Variants in CST9L observed in about 807,000 individuals in gnomAD.
CST9L encodes the protein cystatin-9-like.
A neutral mutation model predicts 13.2 loss-of-function variants in CST9L; 17 were observed. The ratio of observed to expected loss-of-function variants is 1.29; its 90% CI spans 0.88 to 1.93. CST9L has a LOEUF of 1.93. Ranked by LOEUF, CST9L falls within the 30% of genes most tolerant of loss-of-function variation. The pLI is 0.00. For missense variants in CST9L, 170 were observed against 170.5 expected (o/e 1.00, Z 0.02); for synonymous variants, 78 against 69.1 (o/e 1.13, Z -0.64).
At chr20:23,565,585 C>A (rs1470049025) in intron 2 of CST9L, among the ~76,000 whole-genome samples, 1 of 152,102 alleles carries the variant, frequency 6.6e-6, no homozygotes, top group Non-Finnish European at 1.5e-5. Context: ...ACCCTGAGAA[C>A]TGCATCCACA....
chr20:23,566,002 T>A lies in CST9L; in HGVS notation c.326A>T (p.His109Leu), dbSNP rs2295564. The change falls in exon 2 of 3, where the codon CAT becomes CTT. Residue 109 changes from histidine (H) to leucine (L), a missense_variant. Physicochemically the swap from His to Leu is moderately conservative, Grantham distance 99. Transcript: ENST00000376979. ...GKFEDDIDNC[H>L]FQESTELNNT... Reference sequence around the variant, plus strand: ...GTTCAGCTCTGTGCTTTCTTGGAAATGGCAGTTGTCAATGTCGTCTTCAAA... The same window carrying A: ...GTTCAGCTCTGTGCTTTCTTGGAAAAGGCAGTTGTCAATGTCGTCTTCAAA... The A allele has an allele frequency of 1.0e-5, 16 of 1,599,924 alleles. No homozygotes were observed. Among genetic ancestry groups the A allele is most frequent in the Non-Finnish European group, 1.4e-5 (16 of 1,167,152 alleles).
Position 23,567,395 on chromosome 20 carries a change from T to G in CST9L, c.240+816A>C, listed in dbSNP as rs180780458. ...ATCTGGCGGGTGCCTGTAATCCCAG[T>G]TATTTGGGAGGCTGAGGCAGGAGAA... is the stretch of plus-strand genomic sequence containing the variant. On this transcript the variant is annotated intron_variant, in intron 1 of 2. Coordinates refer to ENST00000376979, the MANE Select transcript of CST9L (RefSeq NM_080610.3). Among the ~76,000 whole-genome samples the G allele has an allele frequency of 5.6e-3, 843 of 151,478 alleles. 8 individuals are homozygous for G. The highest frequency in any genetic ancestry group is 0.019 in the African/African-American group (793 of 41,296).
At chr20:23,565,541 T>C (rs1373733886) in intron 2 of CST9L, among the ~76,000 whole-genome samples, 1 of 152,112 alleles carries the variant, frequency 6.6e-6, no homozygotes, top group East Asian at 1.9e-4. Flanking sequence ...CTTCTCAGCC[T>C]CTACCACTTT....
rs1382525670 is a variant in CST9L, at chr20:23,564,940, G to T, written c.*8C>A. Reference sequence around the variant, plus strand: ...CAGCACATGGACAAGCCTGTGAGTGGGTTTCACTCAGTGGAATCCCTCCAA... The same window carrying T: ...CAGCACATGGACAAGCCTGTGAGTGTGTTTCACTCAGTGGAATCCCTCCAA... On this transcript the variant is annotated 3_prime_UTR_variant, in exon 3 of 3. Transcript: ENST00000376979. The T allele has an allele frequency of 1.3e-5, 21 of 1,591,188 alleles. No homozygotes were observed. In the Admixed American group the frequency reaches 3.5e-4, roughly 27 times the overall value.
chr20:23,568,418 G>T lies in CST9L; in HGVS notation c.33C>A (p.Ser11=). Reference sequence around the variant, plus strand: ...CTAAGAGAAGCAGCAGCAGCGCCCAGGACAGACCTCCCTTCCACGGCAGGC... The same window carrying T: ...CTAAGAGAAGCAGCAGCAGCGCCCATGACAGACCTCCCTTCCACGGCAGGC... MLGLPWKGGL[S]WALLLLLLGS... The change falls in exon 1 of 3, where the codon TCC becomes TCA. Residue 11 remains serine (S), a synonymous_variant. Coordinates refer to ENST00000376979, the MANE Select transcript of CST9L (RefSeq NM_080610.3). The T allele has an allele frequency of 6.2e-7, 1 of 1,614,120 alleles. No individual in the cohort carries two copies. Among genetic ancestry groups the T allele is most frequent in the Middle Eastern group, 1.6e-4 (1 of 6,062 alleles).
Position 23,568,309 on chromosome 20 carries a change from G to A in CST9L, c.142C>T (p.Pro48Ser), listed in dbSNP as rs758015425. ...TGGACAGCAAACTCCACTGTGGCAG[G>A]GAGGTAACGAGCCATGACATTGTGT... The part of the protein sequence containing the change: ...DEHNVMARYL[P>S]ATVEFAVHTF... Residue 48 changes from proline (P) to serine (S), a missense_variant, in exon 1 of 3, where the codon CCT (proline) becomes TCT (serine). Coordinates refer to ENST00000376979, the MANE Select transcript of CST9L (RefSeq NM_080610.3). 3 of 1,614,134 alleles carry A rather than the reference G, an allele frequency of 1.9e-6. No homozygotes were observed. The highest frequency in any genetic ancestry group is 2.5e-6 in the Non-Finnish European group (3 of 1,180,026).
intron 1 of CST9L, among the ~76,000 whole-genome samples, chr20:23,567,357 A>G (rs1989112448): frequency 6.6e-6 from 1 of 151,944 alleles, no homozygotes; most frequent in Admixed American, 6.6e-5. Flanking sequence ...AAAATACAAA[A>G]AATTAACCAG....
At chr20:23,565,836 G>T in intron 2 of CST9L, 138 bp downstream of exon 2, 3 of 698,904 alleles carry the variant, frequency 4.3e-6, no homozygotes, top group South Asian at 3.2e-5. Flanking sequence ...CCCCACTAAG[G>T]CACAAGCAGG....
intron 1 of CST9L, among the ~76,000 whole-genome samples, chr20:23,567,685 G>C (rs80300522): frequency 9.5e-4 from 144 of 152,216 alleles, no homozygotes; most frequent in Middle Eastern, 3.4e-3. Context: ...AGTTTATTAA[G>C]TGCAGACACA....
intron 1 of CST9L, among the ~76,000 whole-genome samples, chr20:23,566,687 C>T (rs916352854): frequency 2.1e-4 from 32 of 152,070 alleles, no homozygotes; most frequent in Admixed American, 6.5e-5. Flanking sequence ...AGTTCGAGAC[C>T]AGCCTGGCCA....
chr20:23,567,564 T>G (rs1989115478), intron 1 of CST9L, among the ~76,000 whole-genome samples: 1 of 150,536 alleles, frequency 6.6e-6, no homozygotes, highest in Admixed American at 6.6e-5. Flanking sequence ...TGTTCATGCC[T>G]ACAGCACAGA....
intron 1 of CST9L, among the ~76,000 whole-genome samples, chr20:23,566,864 G>A (rs983460084): frequency 5.9e-5 from 9 of 152,158 alleles, no homozygotes; most frequent in African/African-American, 2.2e-4. Flanking sequence ...CTCCAGCCTG[G>A]TTGACAGGGT....
intron 1 of CST9L, 52 bp downstream of exon 1, chr20:23,568,159 C>A: frequency 5.6e-6 from 9 of 1,603,132 alleles, no homozygotes; most frequent in Non-Finnish European, 7.7e-6. Flanking sequence ...TCCCATTTTT[C>A]ACTGAGCAGC....
At chr20:23,566,120 C>T in intron 1 of CST9L, 33 bp from the exon 2 acceptor site, 1 of 1,217,230 alleles carries the variant, frequency 8.2e-7, no homozygotes, top group Non-Finnish European at 1.2e-6. Context: ...TGTGAACACA[C>T]CCTCCTTGTT....
rs939156099 is a variant in CST9L at position 23,564,770 on chromosome 20, G to A, written c.*178C>T. ...TGATGTTTAATGATCTACACTACAT[G>A]ATTAGGCTCAAGATGTGTGGATTTT... On this transcript the variant is annotated 3_prime_UTR_variant, in exon 3 of 3. Transcript: ENST00000376979. The A allele has an allele frequency of 8.2e-6, 5 of 606,730 alleles. No homozygotes were observed. The African/African-American group carries it at 9.2e-5, about 11-fold the overall frequency. The allele number at this position is 606,730 out of a possible 1,614,324, so 37.6% of individuals were successfully genotyped here.
intron 1 of CST9L, among the ~76,000 whole-genome samples, chr20:23,567,042 G>A (rs1359820095): frequency 4.6e-5 from 7 of 152,124 alleles, no homozygotes; most frequent in African/African-American, 1.7e-4. Flanking sequence ...TCACATCCAG[G>A]AACCCACGTG....
chr20:23,568,402 G>A lies in CST9L; in HGVS notation c.49C>T (p.Leu17Phe), dbSNP rs1171091115. ...KGGLSWALLL[L>F]LLGSQILLIY... ...AGCAGGATCTGGGAGCCTAAGAGAA[G>A]CAGCAGCAGCGCCCAGGACAGACCT... Residue 17 changes from leucine (L) to phenylalanine (F), a missense_variant, in exon 1 of 3, where the codon CTT becomes TTT. Leu to Phe is a conservative substitution (Grantham distance 22). Transcript: ENST00000376979. The A allele has an allele frequency of 6.2e-7, 1 of 1,614,000 alleles. No homozygotes were observed. The highest frequency in any genetic ancestry group is 1.3e-5 in the African/African-American group (1 of 74,926).
At chr20:23,567,107 G>T (rs6138001) in intron 1 of CST9L, among the ~76,000 whole-genome samples, 51,352 of 151,940 alleles carry the variant, frequency 0.34, 9,810 homozygotes, top group East Asian at 0.56. Context: ...CCTTGCACAG[G>T]GTCTTTCCAG....
chr20:23,565,075 G>A, intron 2 of CST9L, 38 bp from the exon 3 acceptor site: 1 of 1,443,924 alleles, frequency 6.9e-7, no homozygotes, highest in Non-Finnish European at 9.8e-7. Context: ...GTGGGTGAGG[G>A]AGGCTCAGGA....
Sources: gnomAD v4.1 joint callset for allele counts (sites outside exome capture counted in the v4.1 genomes callset) on GRCh38, gnomAD v4.1.1 for gene constraint, MANE v1.5 for transcripts, NCBI Gene and HGNC (gene_info 2026-07-23, HGNC 2026-07-21) for gene names.